RFX3: variants seen among roughly 807,000 people sequenced by gnomAD.
The protein encoded by RFX3 is regulatory factor X3.
RFX3 carries 14 observed loss-of-function variants against 98.6 expected under a neutral mutation model. The observed-to-expected ratio is 0.14, with a 90% CI of 0.09 to 0.22. RFX3 has a LOEUF of 0.22. Among genes scored for constraint, RFX3 ranks in the 10% least tolerant of loss-of-function variants. The pLI is 1.00. For synonymous variants in RFX3, 383 were observed against 328.4 expected (o/e 1.17, Z -1.80); for missense variants, 639 against 926.9 (o/e 0.69, Z 4.03).
In RFX3 at chr9:3,263,020, T is replaced by C; in HGVS notation, c.1520A>G (p.Gln507Arg). The change falls in exon 13 of 17, where the codon CAG (glutamine) becomes CGG (arginine). Residue 507 changes from glutamine (Q) to arginine (R), a missense_variant. Around this residue, in one of 9 missense-constraint regions of RFX3, gnomAD observed 138 missense variants for 308.9 expected, o/e 0.45. Coordinates refer to ENST00000617270, the MANE Select transcript of RFX3 (RefSeq NM_001282116.2). ...GTTCTGAAGCACTGCACGAGCTGCC[T>C]GGGCCAGGTGATTAAGCGACGTGTA... ...RRYTSLNHLA[Q>R]AARAVLQNTS... 1 of 1,613,880 alleles carries C rather than the reference T, an allele frequency of 6.2e-7. No homozygotes were observed. The highest frequency in any genetic ancestry group is 8.5e-7 in the Non-Finnish European group (1 of 1,179,812).
intron 1 of RFX3, among the ~76,000 whole-genome samples, chr9:3,503,915 C>T (rs145216990): frequency 6.6e-6 from 1 of 151,578 alleles, no homozygotes; most frequent in African/African-American, 2.4e-5. Context: ...AGCAGTCTGG[C>T]TAACTCTAAT....
In RFX3 at chr9:3,283,601, C is replaced by T. The variant is rs568497257; in HGVS notation, c.851+4530G>A. ...CCTCTCTCACTTCTAAAAGAACGTG[C>T]ATGCTTTTACATCTATCTACAGCCA... On this transcript the variant is annotated intron_variant, in intron 7 of 16. Coordinates refer to ENST00000617270, the MANE Select transcript of RFX3 (RefSeq NM_001282116.2). 2.1e-4 allele frequency among the ~76,000 whole-genome samples: 32 copies of T among 151,858 alleles called. No individual in the cohort carries two copies. In the South Asian group the frequency reaches 4.8e-3, roughly 23 times the overall value.
chr9:3,304,615 G>A (rs1000450188), intron 4 of RFX3, among the ~76,000 whole-genome samples: 1 of 151,886 alleles, frequency 6.6e-6, no homozygotes, highest in African/African-American at 2.4e-5. Context: ...CTGTTCTTGT[G>A]GTAGTGAGTA....
chr9:3,222,740 T>G lies in RFX3; in HGVS notation c.*2302A>C, dbSNP rs1053956983. On this transcript the variant is annotated 3_prime_UTR_variant, in exon 17 of 17. Transcript: ENST00000617270. ...CTTTTGCAGATTATCATGTTTTGTT[T>G]GCCTTTTTTGTGTGTGTTTTGGTAC... 2 of 152,162 alleles carry G rather than the reference T, an allele frequency of 1.3e-5. No homozygotes were observed. Among genetic ancestry groups the G allele is most frequent in the African/African-American group, 4.8e-5 (2 of 41,432 alleles). The allele number at this position is 152,162 out of a possible 1,614,324, so 9.4% of individuals were successfully genotyped here. A position where few individuals can be genotyped will look rare whatever the true frequency, so the allele number is the denominator to read the frequency against.
At chr9:3,505,213 AATATATATTTATATATGAATATATATTT>A in intron 1 of RFX3, among the ~76,000 whole-genome samples, 1 of 62,992 alleles carries the variant, frequency 1.6e-5, no homozygotes, top group Non-Finnish European at 2.4e-5. Flanking sequence ...TATATATATG[AATATATATTTATATATGAATATATATTT>A]ATATATATAT....
chr9:3,280,435 A>G (rs532965512), intron 7 of RFX3, among the ~76,000 whole-genome samples: 39 of 151,852 alleles, frequency 2.6e-4, no homozygotes, highest in African/African-American at 8.4e-4. Flanking sequence ...CTTAGAAAAA[A>G]TCCCCAGAAA....
intron 3 of RFX3, among the ~76,000 whole-genome samples, chr9:3,342,211 T>C (rs1833965597): frequency 6.6e-6 from 1 of 152,210 alleles, no homozygotes; most frequent in Admixed American, 6.5e-5. Flanking sequence ...TTATTAGATA[T>C]TACTCAGGTA....
chr9:3,332,208 G>A (rs761068942), intron 3 of RFX3, among the ~76,000 whole-genome samples: 5 of 152,036 alleles, frequency 3.3e-5, no homozygotes, highest in Non-Finnish European at 5.9e-5. Context: ...GGGACCACAA[G>A]TGTTTTGGAT....
At chr9:3,326,914 C>T (rs1831987236) in intron 4 of RFX3, among the ~76,000 whole-genome samples, 2 of 152,090 alleles carry the variant, frequency 1.3e-5, no homozygotes, top group South Asian at 4.1e-4. Flanking sequence ...AGGAGTGACC[C>T]AACGGACTAT....
At chr9:3,260,626 T>G (rs1822751285) in intron 13 of RFX3, among the ~76,000 whole-genome samples, 2 of 151,602 alleles carry the variant, frequency 1.3e-5, no homozygotes, top group South Asian at 4.2e-4. Flanking sequence ...ACAAATCTTT[T>G]CTGAAAAAAG....
intron 1 of RFX3, among the ~76,000 whole-genome samples, chr9:3,507,833 C>G (rs1391571412): frequency 6.6e-6 from 1 of 151,522 alleles, no homozygotes; most frequent in Non-Finnish European, 1.5e-5. Context: ...TCAAGTGTTT[C>G]CCATCCTCAG....
intron 4 of RFX3, among the ~76,000 whole-genome samples, chr9:3,328,511 A>G (rs997828075): frequency 3.3e-5 from 5 of 152,280 alleles, no homozygotes; most frequent in Admixed American, 1.3e-4. Context: ...AAGGTTTAAA[A>G]TACTGTATTT....
intron 1 of RFX3, among the ~76,000 whole-genome samples, chr9:3,480,271 T>A (rs1483691234): frequency 6.6e-6 from 1 of 152,176 alleles, no homozygotes; most frequent in Non-Finnish European, 1.5e-5. Context: ...TGGCTAAGCA[T>A]CTCTCTCCAT....
chr9:3,520,891 G>T (rs1056942123), intron 1 of RFX3, among the ~76,000 whole-genome samples: 1 of 152,092 alleles, frequency 6.6e-6, no homozygotes, highest in Non-Finnish European at 1.5e-5. Context: ...TGTTGCCCAG[G>T]CTGCTCTTGA....
chr9:3,372,710 C>T (rs549194856), intron 2 of RFX3, among the ~76,000 whole-genome samples: 6 of 152,080 alleles, frequency 3.9e-5, no homozygotes, highest in South Asian at 4.1e-4. Context: ...CTCAGCCTCC[C>T]GAGCAGCTGG....
rs529621562 is a variant in RFX3 at position 3,346,892 on chromosome 9, T to C, written c.118-128A>G. 89 of 655,606 alleles carry C rather than the reference T, an allele frequency of 1.4e-4. 1 individual carries two copies. The African/African-American group carries it at 1.5e-3, about 11-fold the overall frequency. The allele number at this position is 655,606 out of a possible 1,614,324, so 40.6% of individuals were successfully genotyped here. A position where few individuals can be genotyped will look rare whatever the true frequency, so the allele number is the denominator to read the frequency against. On this transcript the variant is annotated intron_variant, in intron 2 of 16. Coordinates refer to ENST00000617270, the MANE Select transcript of RFX3 (RefSeq NM_001282116.2). ...TGAGAAAGACTGATAAGAAAAACTATTAGATTCATGTCATAGTTTCAAGAT... is the reference window on the plus strand; with the variant it reads ...TGAGAAAGACTGATAAGAAAAACTACTAGATTCATGTCATAGTTTCAAGAT...
intron 3 of RFX3, among the ~76,000 whole-genome samples, chr9:3,337,624 T>C (rs1206239261): frequency 1.3e-5 from 2 of 152,064 alleles, no homozygotes; most frequent in Non-Finnish European, 1.5e-5. Flanking sequence ...TGGCAGACAG[T>C]CTTTGGGATG....
At chr9:3,328,061 A>C (rs1316419247) in intron 4 of RFX3, among the ~76,000 whole-genome samples, 1 of 152,178 alleles carries the variant, frequency 6.6e-6, no homozygotes, top group Non-Finnish European at 1.5e-5. Flanking sequence ...CATGAAGGCA[A>C]GTAGGAATAC....
At chr9:3,410,051 T>A (rs546335674) in intron 1 of RFX3, among the ~76,000 whole-genome samples, 7 of 152,112 alleles carry the variant, frequency 4.6e-5, no homozygotes, top group Non-Finnish European at 1.0e-4. Context: ...TCATATAACA[T>A]GGAGAATGCA....
Sources: allele counts gnomAD v4.1 joint callset (sites outside exome capture counted in the v4.1 genomes callset), GRCh38; gene constraint gnomAD v4.1.1; regional missense constraint gnomAD v4.1.1; transcripts MANE v1.5; gene names NCBI Gene and HGNC (gene_info 2026-07-23, HGNC 2026-07-21).